The following SHMT2 variants were observed in gnomAD, a reference collection of about 807,000 sequenced individuals.
SHMT2 encodes the protein serine hydroxymethyltransferase, mitochondrial.
Under a neutral mutation model 59.6 loss-of-function variants are expected in SHMT2, and 38 were observed. The ratio of observed to expected loss-of-function variants is 0.64; its 90% CI spans 0.49 to 0.84. SHMT2 has a LOEUF of 0.84. SHMT2 is among the 40% of genes least tolerant of loss of function. SHMT2 has a pLI of 0.00. For missense variants in SHMT2, 533 were observed against 659.5 expected (o/e 0.81, Z 2.10); for synonymous variants, 254 against 258.1 (o/e 0.98, Z 0.15).
In SHMT2 at chr12:57,234,385, C is replaced by A; in HGVS notation, c.*24C>A. On this transcript the variant is annotated 3_prime_UTR_variant, in exon 12 of 12. Transcript: ENST00000328923. ...GAAGGCACCTGGGAAATGAGGCCCACAGACTCAAAGTTACTCTCCTTCCCC... is the reference window on the plus strand; with the variant it reads ...GAAGGCACCTGGGAAATGAGGCCCAAAGACTCAAAGTTACTCTCCTTCCCC... 1 of 1,557,504 alleles carries A rather than the reference C, an allele frequency of 6.4e-7. No individual in the cohort carries two copies. The highest frequency in any genetic ancestry group is 8.7e-7 in the Non-Finnish European group (1 of 1,152,216).
Position 57,230,827 on chromosome 12 carries a change from G to C in SHMT2, c.58G>C (p.Val20Leu). The change falls in exon 2 of 12, where the codon GTC becomes CTC. Residue 20 changes from valine to leucine, a missense_variant. Coordinates refer to ENST00000328923, the MANE Select transcript of SHMT2 (RefSeq NM_005412.6). ...GCCTCTGCAGAGATGTGGGCAGCTG[G>C]TCAGGATGGCCATTCGGGCTCAGCA... The part of the protein sequence containing the change: ...ARPLQRCGQL[V>L]RMAIRAQHSN... 2 of 1,614,102 alleles carry C rather than the reference G, an allele frequency of 1.2e-6. No homozygotes were observed. The highest frequency in any genetic ancestry group is 2.2e-5 in the South Asian group (2 of 91,080).
chr12:57,230,704 A>G (rs1285514207), intron 1 of SHMT2, 99 bp from the exon 2 acceptor site: 1 of 1,506,124 alleles, frequency 6.6e-7, no homozygotes, highest in Non-Finnish European at 8.9e-7. Flanking sequence ...TGGCTGGACA[A>G]CTGGCAGCTT....
chr12:57,230,749 G>T, intron 1 of SHMT2, 54 bp from the exon 2 acceptor site: 1 of 1,592,930 alleles, frequency 6.3e-7, no homozygotes, highest in Non-Finnish European at 8.6e-7. Flanking sequence ...AGGGTGGCCG[G>T]GAGACGATTT....
In SHMT2 at chr12:57,233,775, G is replaced by A. The variant is rs756683322; in HGVS notation, c.1150G>A (p.Val384Met). ...SGGTDNHLVL[V>M]DLRPKGLDGA... is the part of the protein sequence containing the mutation. The stretch of plus-strand genomic sequence containing the variant: ...TGGTACTGACAACCACCTGGTGCTG[G>A]TGGACCTGCGGCCCAAGGGCCTGGA... Residue 384 changes from valine to methionine, a missense_variant, in exon 10 of 12, where the codon GTG becomes ATG. Transcript: ENST00000328923. 75 of 1,614,124 alleles carry A rather than the reference G, an allele frequency of 4.6e-5. No individual in the cohort carries two copies. Among genetic ancestry groups the A allele is most frequent in the Non-Finnish European group, 6.3e-5 (74 of 1,180,042 alleles).
At chr12:57,231,665 G>A in intron 3 of SHMT2, 48 bp from the exon 4 acceptor site, 2 of 1,612,544 alleles carry the variant, frequency 1.2e-6, no homozygotes, top group Non-Finnish European at 1.7e-6. Flanking sequence ...CTTTGCTGAT[G>A]GTTGAGAGTC....
chr12:57,231,104 C>A, intron 2 of SHMT2, 104 bp downstream of exon 2: 2 of 1,133,476 alleles, frequency 1.8e-6, no homozygotes, highest in Admixed American at 4.2e-5. Flanking sequence ...ACACTCAGGA[C>A]CTTTCTTTGG....
At chr12:57,233,404 G>A in intron 8 of SHMT2, 59 bp downstream of exon 8, 1 of 1,534,254 alleles carries the variant, frequency 6.5e-7, no homozygotes, top group Non-Finnish European at 8.8e-7. Flanking sequence ...CTTAGACCCT[G>A]CACCTTGCTA....
At position 57,234,768 on chromosome 12, in the gene SHMT2, A is replaced by G. The variant is rs1431486942; in HGVS notation, c.*407A>G. The G allele has an allele frequency of 2.4e-5, 4 of 163,284 alleles. No homozygotes were observed. The highest frequency in any genetic ancestry group is 2.7e-5 in the Non-Finnish European group (2 of 75,248). 10.1% of individuals were successfully genotyped at this position (163,284 alleles called of 1,614,324 possible). The stretch of plus-strand genomic sequence containing the variant: ...TGTGGGTGGGGTTCCCCTGGGCCAA[A>G]CAGTGATTTGTCTCCCTCAATGTGT... On this transcript the variant is annotated 3_prime_UTR_variant, in exon 12 of 12. Coordinates refer to ENST00000328923, the MANE Select transcript of SHMT2 (RefSeq NM_005412.6).
Position 57,234,850 on chromosome 12 carries a change from C to CT in SHMT2, c.*492dup, listed in dbSNP as rs2037489907. 1 of 157,324 alleles carries CT rather than the reference C, an allele frequency of 6.4e-6. No homozygotes were observed. The highest frequency in any genetic ancestry group is 2.4e-5 in the African/African-American group (1 of 41,518). The allele number at this position is 157,324 out of a possible 1,614,324, so 9.7% of individuals were successfully genotyped here. The stretch of plus-strand genomic sequence containing the variant: ...AGGACCCCCGGGGCTGCAGCCTCCT[C>CT]TTTCTGTCTCTGATCAGAGCCGACA... On this transcript the variant is annotated 3_prime_UTR_variant, in exon 12 of 12. Coordinates refer to ENST00000328923, the MANE Select transcript of SHMT2 (RefSeq NM_005412.6).
chr12:57,231,085 C>T (rs2037297822), intron 2 of SHMT2, 85 bp downstream of exon 2: 2 of 1,324,810 alleles, frequency 1.5e-6, no homozygotes, highest in Admixed American at 3.7e-5. Flanking sequence ...TTCTCCAAAA[C>T]CCCCTTTCAC....
Position 57,232,067 on chromosome 12 carries a change from A to G in SHMT2, c.513-144A>G. 2 of 1,121,138 alleles carry G rather than the reference A, an allele frequency of 1.8e-6. 1 individual carries two copies. The highest frequency in any genetic ancestry group is 2.7e-5 in the South Asian group (2 of 74,014). 69.4% of individuals were successfully genotyped at this position (1,121,138 alleles called of 1,614,324 possible). On this transcript the variant is annotated intron_variant, in intron 4 of 11. Coordinates refer to ENST00000328923, the MANE Select transcript of SHMT2 (RefSeq NM_005412.6). Reference sequence around the variant, plus strand: ...ATGAGGAAGATAAGATCCCAGTTATAGTGCCTACCACAGAGTGGACAGAGC... The same window carrying G: ...ATGAGGAAGATAAGATCCCAGTTATGGTGCCTACCACAGAGTGGACAGAGC...
In SHMT2 at chr12:57,231,540, G is replaced by C. The variant is rs762712163; in HGVS notation, c.291G>C (p.Ser97=). The change falls in exon 3 of 12, where the codon TCG becomes TCC. Residue 97 remains serine, a synonymous_variant. Coordinates refer to ENST00000328923, the MANE Select transcript of SHMT2 (RefSeq NM_005412.6). ...ALGSCLNNKY[S]EGYPGKRYYG... ...GGTCCTGTCTGAACAACAAGTACTC[G>C]GAGGGTTATCCTGGCAAGAGGTGAG... 2 of 1,614,210 alleles carry C rather than the reference G, an allele frequency of 1.2e-6. No individual in the cohort carries two copies. Among genetic ancestry groups the C allele is most frequent in the South Asian group, 2.2e-5 (2 of 91,084 alleles).
At position 57,232,791 on chromosome 12, in the gene SHMT2, A is replaced by G. The variant is rs148573932; in HGVS notation, c.805A>G (p.Lys269Glu). 91 of 1,613,474 alleles carry G rather than the reference A, an allele frequency of 5.6e-5. 1 individual carries two copies. Among genetic ancestry groups the G allele is most frequent in the Non-Finnish European group, 6.4e-5 (76 of 1,179,556 alleles). Residue 269 changes from lysine to glutamate, a missense_variant, in exon 7 of 12, where the codon AAG becomes GAG. By Grantham distance (56) the Lys-to-Glu change is moderately conservative (BLOSUM62 1). Coordinates refer to ENST00000328923, the MANE Select transcript of SHMT2 (RefSeq NM_005412.6). ...VAAKVIPSPF[K>E]HADIVTTTTH... Reference sequence around the variant, plus strand: ...TGCCAAGGTGATTCCCTCGCCTTTCAAGCACGCGGACATCGTCACCACCAC... The same window carrying G: ...TGCCAAGGTGATTCCCTCGCCTTTCGAGCACGCGGACATCGTCACCACCAC...
chr12:57,229,908 T>G, intron 1 of SHMT2, 97 bp downstream of exon 1: 1 of 1,557,408 alleles, frequency 6.4e-7, no homozygotes, highest in Admixed American at 1.9e-5. Context: ...TCTTGGCTTT[T>G]CCATGCACGT....
rs771871398 is a variant in SHMT2, at chr12:57,233,615, G to C, written c.1076G>C (p.Arg359Pro). ...TCCCTGCAGGTTCTGAAGAATGCTCGGGCCATGGCAGATGCCCTGCTAGAG... is the reference window on the plus strand; with the variant it reads ...TCCCTGCAGGTTCTGAAGAATGCTCCGGCCATGGCAGATGCCCTGCTAGAG... Reference protein sequence around the residue: ...EYSLQVLKNARAMADALLERG... With the variant: ...EYSLQVLKNAPAMADALLERG... The change falls in exon 9 of 12, where the codon CGG (arginine) becomes CCG (proline). Residue 359 changes from arginine (R) to proline (P), a missense_variant. Arg to Pro is a moderately radical substitution (Grantham distance 103, BLOSUM62 -2). Coordinates refer to ENST00000328923, the MANE Select transcript of SHMT2 (RefSeq NM_005412.6). 9.9e-6 allele frequency: 16 copies of C among 1,613,998 alleles called. No individual in the cohort carries two copies. Among genetic ancestry groups the C allele is most frequent in the Non-Finnish European group, 1.4e-5 (16 of 1,179,980 alleles).
At chr12:57,233,093 G>A in intron 7 of SHMT2, 87 bp from the exon 8 acceptor site, 1 of 1,455,266 alleles carries the variant, frequency 6.9e-7, no homozygotes, top group Non-Finnish European at 9.2e-7. Context: ...CTGTGCCCTT[G>A]GGGCCCAGGT....
intron 1 of SHMT2, 89 bp from the exon 2 acceptor site, chr12:57,230,714 T>C (rs1354483113): frequency 6.6e-6 from 10 of 1,518,794 alleles, no homozygotes; most frequent in Non-Finnish European, 8.9e-6. Context: ...ACTGGCAGCT[T>C]GGTGTGGCCT....
chr12:57,233,372 T>G, intron 8 of SHMT2, 27 bp downstream of exon 8: 2 of 1,568,344 alleles, frequency 1.3e-6, no homozygotes, highest in Non-Finnish European at 1.7e-6. Flanking sequence ...TTGTAGGGTG[T>G]GGGGGGGCAA....
Position 57,234,501 on chromosome 12 carries a change from C to G in SHMT2, c.*140C>G, listed in dbSNP as rs1477491373. ...AGGGCAAGAGCCAGGTATAGTCTCC[C>G]TTCCCAGAATTTGTAACTGAGAAGA... On this transcript the variant is annotated 3_prime_UTR_variant, in exon 12 of 12. Coordinates refer to ENST00000328923, the MANE Select transcript of SHMT2 (RefSeq NM_005412.6). 1.2e-6 allele frequency: 1 copy of G among 869,182 alleles called. No individual in the cohort carries two copies. Among genetic ancestry groups the G allele is most frequent in the Non-Finnish European group, 1.6e-6 (1 of 610,518 alleles). 53.8% of individuals were successfully genotyped at this position (869,182 alleles called of 1,614,324 possible). A position where few individuals can be genotyped will look rare whatever the true frequency, so the allele number is the denominator to read the frequency against.
Sources: gnomAD v4.1 joint callset for allele counts on GRCh38, gnomAD v4.1.1 for gene constraint, MANE v1.5 for transcripts, NCBI Gene and HGNC (gene_info 2026-07-23, HGNC 2026-07-21) for gene names.